C17orf99: variants seen among roughly 807,000 people sequenced by gnomAD.
C17orf99 encodes chromosome 17 open reading frame 99.
In C17orf99, 18 loss-of-function variants were observed where a neutral mutation model predicts 22.6. That is an observed-to-expected ratio of 0.80 (90% CI 0.55 to 1.18). C17orf99 has a LOEUF of 1.18. C17orf99 is among the 50% of genes most tolerant of loss of function. The pLI, the probability that C17orf99 is intolerant of heterozygous loss-of-function variation, is 0.00. For missense variants in C17orf99, 328 were observed against 342.7 expected (o/e 0.96, Z 0.34); for synonymous variants, 147 against 136.6 (o/e 1.08, Z -0.53).
At chr17:78,146,283 G>A (rs913949632), upstream of C17orf99, 28 of 799,424 alleles carry the variant, frequency 3.5e-5, no homozygotes, top group Non-Finnish European at 4.7e-5. The surrounding 1 kb of genome is among the most constrained non-coding windows in gnomAD (Gnocchi z 5.2). Flanking sequence ...GGGGTGCTGC[G>A]GCCTCCAGGT....
upstream of C17orf99, among the ~76,000 whole-genome samples, chr17:78,145,950 C>T (rs1477198197): frequency 6.6e-6 from 1 of 152,086 alleles, no homozygotes; most frequent in African/African-American, 2.4e-5. Flanking sequence ...CGCACGCCAC[C>T]ACGCCCGGCT....
In C17orf99 at chr17:78,146,818, G is replaced by C; in HGVS notation, c.38-61G>C. 1 of 1,506,952 alleles carries C rather than the reference G, an allele frequency of 6.6e-7. No homozygotes were observed. Among genetic ancestry groups the C allele is most frequent in the Non-Finnish European group, 9.0e-7 (1 of 1,107,458 alleles). The allele number at this position is 1,506,952 out of a possible 1,614,324, so 93.3% of individuals were successfully genotyped here. On this transcript the variant is annotated intron_variant, in intron 1 of 4. Transcript: ENST00000340363. This position sits in a 1 kb window ranked among gnomAD's most constrained non-coding sequence, Gnocchi z 5.2. ...CTGGCTTCAGCAGGTGGGTCTCGAG[G>C]CTGTCTCTGGTCTCCCCTCCACACC...
chr17:78,153,957 ACT>A (rs2075506201), intron 2 of C17orf99, among the ~76,000 whole-genome samples: 1 of 116,544 alleles, frequency 8.6e-6, no homozygotes, highest in African/African-American at 3.5e-5. Flanking sequence ...ACACAGTCTC[ACT>A]CTGTCACCCA....
chr17:78,165,789 C>G, intron 4 of C17orf99, 100 bp from the exon 5 acceptor site: 1 of 1,262,594 alleles, frequency 7.9e-7, no homozygotes, highest in South Asian at 3.4e-5. Flanking sequence ...ACAAAAAGAG[C>G]AAAACTCCGT....
Position 78,146,952 on chromosome 17 carries a change from G to A in C17orf99, c.70+41G>A, listed in dbSNP as rs1300937265. 6.5e-7 allele frequency: 1 copy of A among 1,540,616 alleles called. No homozygotes were observed. Among genetic ancestry groups the A allele is most frequent in the African/African-American group, 1.4e-5 (1 of 72,902 alleles). ...TGCTGCAGGGAGAAGTCCCCCAGCT[G>A]GGACCCTGGTGTCAGAACCCCCATG... On this transcript the variant is annotated intron_variant, in intron 2 of 4. Coordinates refer to ENST00000340363, the MANE Select transcript of C17orf99 (RefSeq NM_001163075.2). This position sits in a 1 kb window ranked among gnomAD's most constrained non-coding sequence, Gnocchi z 5.2.
intron 2 of C17orf99, among the ~76,000 whole-genome samples, chr17:78,156,274 G>A (rs932253218): frequency 4.2e-5 from 6 of 143,508 alleles, no homozygotes; most frequent in Non-Finnish European, 7.5e-5. Context: ...AGGTTGTAGT[G>A]AGCCAAGATT....
intron 2 of C17orf99, chr17:78,160,651 A>ACTGCCAC (rs1217228004): frequency 6.1e-6 from 2 of 330,170 alleles, no homozygotes; most frequent in Non-Finnish European, 1.1e-5. Context: ...ATCTCGGCTC[A>ACTGCCAC]CTGCCACCTG....
At chr17:78,157,798 GAAAAAAAAAAAAAA>G (rs60891763) in intron 2 of C17orf99, 19 of 383,140 alleles carry the variant, frequency 5.0e-5, no homozygotes, top group Middle Eastern at 1.8e-3. Context: ...CTCTGTCTCG[GAAAAAAAAAAAAAA>G]AAAAAAAAAA....
Position 78,161,226 on chromosome 17 carries a change from G to T in C17orf99, c.342G>T (p.Arg114Ser). 10 of 1,551,778 alleles carry T rather than the reference G, an allele frequency of 6.4e-6. No individual in the cohort carries two copies. The highest frequency in any genetic ancestry group is 8.7e-6 in the Non-Finnish European group (10 of 1,146,970). The stretch of plus-strand genomic sequence containing the variant: ...CAGGTGCCCATGTGGACAGTGCCAG[G>T]CTACAGATGCACTGGGAGCTGTGGT... ...STSGAHVDSA[R>S]LQMHWELWSK... Residue 114 changes from arginine (R) to serine (S), a missense_variant, in exon 3 of 5, where the codon AGG (arginine) becomes AGT (serine). Arg to Ser is a moderately radical substitution (Grantham distance 110). Transcript: ENST00000340363.
intron 3 of C17orf99, among the ~76,000 whole-genome samples, chr17:78,161,896 C>A (rs1267075059): frequency 6.6e-6 from 1 of 151,868 alleles, no homozygotes; most frequent in Non-Finnish European, 1.5e-5. Flanking sequence ...TGCATTACTT[C>A]GCTTGATCTT....
intron 2 of C17orf99, chr17:78,157,326 A>AGCG (rs2075533906): frequency 3.4e-6 from 2 of 593,812 alleles, no homozygotes; most frequent in East Asian, 5.8e-5. Context: ...ACCTGTGTTC[A>AGCG]GCAGCGGCGG....
At chr17:78,165,003 C>T in intron 4 of C17orf99, 1 of 1,087,414 alleles carries the variant, frequency 9.2e-7, no homozygotes, top group Non-Finnish European at 1.1e-6. Context: ...TCCAGGAGAC[C>T]AAGGTGGACC....
chr17:78,152,037 C>A (rs904264039), intron 2 of C17orf99, among the ~76,000 whole-genome samples: 2 of 152,158 alleles, frequency 1.3e-5, no homozygotes, highest in Non-Finnish European at 2.9e-5. Flanking sequence ...AGTTTCCCTG[C>A]AGTGACCCCG....
intron 2 of C17orf99, among the ~76,000 whole-genome samples, chr17:78,159,361 G>A (rs1030238545): frequency 2.6e-4 from 40 of 152,102 alleles, no homozygotes; most frequent in African/African-American, 8.4e-4. Flanking sequence ...AAAGTGGGCC[G>A]GGCGCAGTGG....
chr17:78,157,232 G>A (rs760016309), intron 2 of C17orf99, among the ~76,000 whole-genome samples: 5 of 151,764 alleles, frequency 3.3e-5, no homozygotes, highest in African/African-American at 7.3e-5. Context: ...TTGGGAGGCC[G>A]AGGCGGGCGC....
intron 2 of C17orf99, among the ~76,000 whole-genome samples, chr17:78,159,795 A>G (rs960292084): frequency 6.6e-6 from 1 of 151,824 alleles, no homozygotes; most frequent in African/African-American, 2.4e-5. Context: ...CCTGTTCTGA[A>G]CTTTGCACAC....
At chr17:78,165,623 A>T in intron 4 of C17orf99, 1 of 920,250 alleles carries the variant, frequency 1.1e-6, no homozygotes, top group Non-Finnish European at 1.3e-6. Flanking sequence ...GCCAACATGA[A>T]GAAACCCCGT....
At position 78,161,027 on chromosome 17, in the gene C17orf99, C is replaced by A. The variant is rs149713334; in HGVS notation, c.143C>A (p.Thr48Asn). Residue 48 changes from threonine (T) to asparagine (N), a missense_variant, in exon 3 of 5, where the codon ACC (threonine) becomes AAC (asparagine). Thr to Asn is a moderately conservative substitution (Grantham distance 65). Coordinates refer to ENST00000340363, the MANE Select transcript of C17orf99 (RefSeq NM_001163075.2). ...CCCAAAGGCCGCTGGGTGCTCATAA[C>A]CTGCTGTGCACCCCAGCCACCACCG... ...VFPKGRWVLI[T>N]CCAPQPPPPI... 5.0e-5 allele frequency: 78 copies of A among 1,551,400 alleles called. No homozygotes were observed. The African/African-American group carries it at 9.8e-4, about 20-fold the overall frequency.
chr17:78,157,752 G>A (rs2075539163), intron 2 of C17orf99: 1 of 505,578 alleles, frequency 2.0e-6, no homozygotes, highest in Non-Finnish European at 3.3e-6. Context: ...AGCCGAGATT[G>A]TGCCACTGCA....
Sources: gnomAD v4.1 joint callset for allele counts (sites outside exome capture counted in the v4.1 genomes callset) on GRCh38, gnomAD v4.1.1 for gene constraint, Gnocchi (gnomAD v3.1) non-coding constraint, MANE v1.5 for transcripts, NCBI Gene and HGNC (gene_info 2026-07-23, HGNC 2026-07-21) for gene names.